Variants in POU3F3 observed in about 807,000 individuals in gnomAD.
POU3F3 encodes the protein POU domain, class 3, transcription factor 3.
Under a neutral mutation model 8.6 loss-of-function variants are expected in POU3F3, and 1 was observed. That is an observed-to-expected ratio of 0.12 (90% confidence interval 0.04 to 0.55). The LOEUF is 0.55. POU3F3 is among the 20% of genes least tolerant of loss of function. POU3F3 has a pLI of 0.91. For missense variants in POU3F3, 577 were observed against 690.7 expected (o/e 0.84, Z 1.84); for synonymous variants, 418 against 327.4 (o/e 1.28, Z -2.99).
chr2:104,882,208 T>C, the POU3F3 span, among the ~76,000 whole-genome samples: 10 of 152,026 alleles, frequency 6.6e-5, no homozygotes, highest in Non-Finnish European at 1.2e-4. Context: ...AGCTTTCTGA[T>C]TGGAAAAATC....
rs1213044779 is a variant in POU3F3 at position 104,857,045 on chromosome 2, C to A, written c.*32C>A. On this transcript the variant is annotated 3_prime_UTR_variant, in exon 1 of 1. Transcript: ENST00000361360. ...GGCGCAGAGCGAAGAGGGCCGCCGC[C>A]GCCGCCGCCTCCGCAGCCGCCGTCA... 12 of 1,414,240 alleles carry A rather than the reference C, an allele frequency of 8.5e-6. No homozygotes were observed. Among genetic ancestry groups the A allele is most frequent in the East Asian group, 2.7e-5 (1 of 36,476 alleles). 87.6% of individuals were successfully genotyped at this position (1,414,240 alleles called of 1,614,324 possible). A position where few individuals can be genotyped will look rare whatever the true frequency, so the allele number is the denominator to read the frequency against.
the POU3F3 span, among the ~76,000 whole-genome samples, chr2:104,900,776 G>A: frequency 6.6e-6 from 1 of 152,164 alleles, no homozygotes; most frequent in African/African-American, 2.4e-5. Flanking sequence ...GCTGCCCGTG[G>A]CCAGGAAGGT....
chr2:104,864,503 G>T, the POU3F3 span, among the ~76,000 whole-genome samples: 2 of 152,180 alleles, frequency 1.3e-5, no homozygotes, highest in African/African-American at 4.8e-5. Flanking sequence ...GGAAATATTT[G>T]CTGTATTATA....
chr2:104,918,559 C>A, the POU3F3 span, among the ~76,000 whole-genome samples: 1 of 152,154 alleles, frequency 6.6e-6, no homozygotes, highest in Non-Finnish European at 1.5e-5. Context: ...GGGAGAACAT[C>A]ATGTGAACAA....
downstream of POU3F3, among the ~76,000 whole-genome samples, chr2:104,862,129 T>C (rs1676666301): frequency 1.3e-5 from 2 of 152,214 alleles, no homozygotes; most frequent in South Asian, 4.1e-4. Flanking sequence ...TGTTTGTTCC[T>C]GTATCCTAAA....
At chr2:104,884,419 A>G in the POU3F3 span, among the ~76,000 whole-genome samples, 39 of 152,204 alleles carry the variant, frequency 2.6e-4, no homozygotes, top group East Asian at 7.6e-3. Context: ...TCGACACCGC[A>G]GGGGACCACT....
chr2:104,856,230 C>T lies in POU3F3; in HGVS notation c.720C>T (p.Pro240=). Reference sequence around the variant, plus strand: ...GCATGCTGAGCGCGCCACCGGGGCCCGGCGGCGGCGGCGGCGGCGCGGGCG... The same window carrying T: ...GCATGCTGAGCGCGCCACCGGGGCCTGGCGGCGGCGGCGGCGGCGCGGGCG... The part of the protein sequence containing the change: ...VNGMLSAPPG[P]GGGGGGAGGG... Residue 240 remains proline (P), a synonymous_variant, in exon 1 of 1, where the codon CCC becomes CCT. Transcript: ENST00000361360. The T allele has an allele frequency of 8.2e-7, 1 of 1,221,846 alleles. No individual in the cohort carries two copies. The highest frequency in any genetic ancestry group is 1.0e-6 in the Non-Finnish European group (1 of 984,504). The allele number at this position is 1,221,846 out of a possible 1,614,324, so 75.7% of individuals were successfully genotyped here. A position where few individuals can be genotyped will look rare whatever the true frequency, so the allele number is the denominator to read the frequency against.
chr2:104,920,557 T>A, the POU3F3 span, among the ~76,000 whole-genome samples: 21 of 152,302 alleles, frequency 1.4e-4, no homozygotes, highest in African/African-American at 4.6e-4. Context: ...CAGTATGTGA[T>A]CTGGCTCCCA....
the POU3F3 span, among the ~76,000 whole-genome samples, chr2:104,897,491 C>G: frequency 1.3e-5 from 2 of 152,178 alleles, no homozygotes; most frequent in Admixed American, 6.5e-5. Flanking sequence ...GAAAACCCCC[C>G]TCCCCCTACA....
chr2:104,889,026 G>T, the POU3F3 span, among the ~76,000 whole-genome samples: 1 of 152,222 alleles, frequency 6.6e-6, no homozygotes, highest in Admixed American at 6.5e-5. Flanking sequence ...TTGAGGCCTT[G>T]CTCTGCACGC....
chr2:104,921,951 C>A, the POU3F3 span, among the ~76,000 whole-genome samples: 3 of 152,160 alleles, frequency 2.0e-5, no homozygotes, highest in African/African-American at 7.2e-5. Flanking sequence ...GAGCTGAGAT[C>A]ACTCCACTGC....
the POU3F3 span, among the ~76,000 whole-genome samples, chr2:104,919,069 CTA>C: frequency 6.6e-6 from 1 of 152,090 alleles, no homozygotes. Flanking sequence ...TGGGGTTTCT[CTA>C]TGTTGGTCAG....
At chr2:104,908,471 G>A in the POU3F3 span, among the ~76,000 whole-genome samples, 1 of 152,216 alleles carries the variant, frequency 6.6e-6, no homozygotes, top group Non-Finnish European at 1.5e-5. Context: ...AAGAATTGTA[G>A]AAGAAAGACG....
the POU3F3 span, among the ~76,000 whole-genome samples, chr2:104,919,237 T>C: frequency 6.6e-6 from 1 of 152,240 alleles, no homozygotes; most frequent in Non-Finnish European, 1.5e-5. Flanking sequence ...GCATGCACAT[T>C]AGATCATCTG....
downstream of POU3F3, among the ~76,000 whole-genome samples, chr2:104,858,769 G>A (rs904857857): frequency 6.6e-6 from 1 of 152,186 alleles, no homozygotes; most frequent in African/African-American, 2.4e-5. Context: ...GTCACTCCTC[G>A]ATAATCCATA....
At chr2:104,908,999 C>T in the POU3F3 span, among the ~76,000 whole-genome samples, 1 of 151,930 alleles carries the variant, frequency 6.6e-6, no homozygotes, top group Non-Finnish European at 1.5e-5. Context: ...CCTAGAGAAC[C>T]AGATGGGTGA....
At chr2:104,861,801 CTG>C (rs1338239552), downstream of POU3F3, among the ~76,000 whole-genome samples, 1 of 152,178 alleles carries the variant, frequency 6.6e-6, no homozygotes, top group Non-Finnish European at 1.5e-5. Flanking sequence ...TCTCCAAGTT[CTG>C]TAGGTCGGTT....
the POU3F3 span, chr2:104,872,222 C>T: frequency 2.2e-6 from 1 of 456,402 alleles, no homozygotes; most frequent in Middle Eastern, 3.4e-4. The surrounding 1 kb of genome is among the most constrained non-coding windows in gnomAD (Gnocchi z 4.6). Context: ...TCCTCCTGTC[C>T]GCTCCCCGGC....
At chr2:104,897,468 G>A in the POU3F3 span, among the ~76,000 whole-genome samples, 1 of 152,136 alleles carries the variant, frequency 6.6e-6, no homozygotes, top group Admixed American at 6.5e-5. Context: ...GCAATAGTGA[G>A]AAGAAGGAAG....
Sources: gnomAD v4.1 joint callset for allele counts (sites outside exome capture counted in the v4.1 genomes callset) on GRCh38, gnomAD v4.1.1 for gene constraint, Gnocchi (gnomAD v3.1) non-coding constraint, MANE v1.5 for transcripts, NCBI Gene and HGNC (gene_info 2026-07-23, HGNC 2026-07-21) for gene names.